CAMK2D: variants seen among roughly 807,000 people sequenced by gnomAD.
The protein encoded by CAMK2D is calcium/calmodulin-dependent protein kinase type II subunit delta.
CAMK2D carries 37 observed loss-of-function variants against 84.0 expected under a neutral mutation model. The ratio of observed to expected loss-of-function variants is 0.44; its 90% confidence interval spans 0.34 to 0.58. The LOEUF (loss-of-function observed/expected upper bound fraction) is 0.58, where lower values mean the gene tolerates loss of function less well. Among genes scored for constraint, CAMK2D ranks in the 20% least tolerant of loss-of-function variants. CAMK2D has a pLI of 0.02. For missense variants in CAMK2D, 448 were observed against 652.5 expected (o/e 0.69, Z 3.41); for synonymous variants, 202 against 212.5 (o/e 0.95, Z 0.43).
At chr4:113,731,516 TA>T (rs1157826993) in intron 2 of CAMK2D, among the ~76,000 whole-genome samples, 29 of 152,152 alleles carry the variant, frequency 1.9e-4, no homozygotes, top group African/African-American at 6.0e-4. Flanking sequence ...CAAGTTTTCC[TA>T]TCATTTTATT....
intron 3 of CAMK2D, among the ~76,000 whole-genome samples, chr4:113,618,589 T>C (rs911159846): frequency 1.3e-5 from 2 of 152,180 alleles, no homozygotes; most frequent in Non-Finnish European, 2.9e-5. Context: ...AGAAATGCAA[T>C]ATAACTGGCT....
At chr4:113,648,958 T>TG (rs2099162182) in intron 3 of CAMK2D, among the ~76,000 whole-genome samples, 1 of 152,228 alleles carries the variant, frequency 6.6e-6, no homozygotes. Context: ...AAATTTCTAA[T>TG]TTCTCCCAAT....
At chr4:113,732,481 T>A (rs1251634279) in intron 2 of CAMK2D, among the ~76,000 whole-genome samples, 1 of 152,214 alleles carries the variant, frequency 6.6e-6, no homozygotes, top group Non-Finnish European at 1.5e-5. Flanking sequence ...GTGGTGTTTC[T>A]AATATTATTG....
chr4:113,562,733 T>C (rs1040279525), intron 4 of CAMK2D, among the ~76,000 whole-genome samples: 4 of 152,246 alleles, frequency 2.6e-5, no homozygotes, highest in African/African-American at 9.6e-5. Context: ...TCAAAAAACA[T>C]TTGTTGCTTT....
chr4:113,558,785 C>A (rs949187626), intron 4 of CAMK2D, among the ~76,000 whole-genome samples: 2 of 148,338 alleles, frequency 1.3e-5, no homozygotes, highest in African/African-American at 5.3e-5. Flanking sequence ...GATGGGAGGA[C>A]TGCTTGAGCC....
chr4:113,593,134 A>T (rs1190304386), intron 4 of CAMK2D, among the ~76,000 whole-genome samples: 1 of 152,194 alleles, frequency 6.6e-6, no homozygotes, highest in Non-Finnish European at 1.5e-5. Flanking sequence ...GATTACAGGT[A>T]TAAGCCACTG....
chr4:113,625,575 C>T (rs2099064251), intron 3 of CAMK2D, among the ~76,000 whole-genome samples: 1 of 152,018 alleles, frequency 6.6e-6, no homozygotes, highest in African/African-American at 2.4e-5. Flanking sequence ...GATCCTATAG[C>T]AAGACTTTAC....
At chr4:113,496,877 G>A (rs1300295486) in intron 16 of CAMK2D, among the ~76,000 whole-genome samples, 1 of 152,112 alleles carries the variant, frequency 6.6e-6, no homozygotes, top group Admixed American at 6.5e-5. Flanking sequence ...CTGCTCAAGA[G>A]GTCAACACTA....
chr4:113,660,982 G>C (rs2099228655), intron 3 of CAMK2D, among the ~76,000 whole-genome samples: 1 of 151,488 alleles, frequency 6.6e-6, no homozygotes, highest in African/African-American at 2.4e-5. Flanking sequence ...ATTTTTAGTA[G>C]AGACGGGGTT....
At chr4:113,654,049 G>A (rs1330795012) in intron 3 of CAMK2D, among the ~76,000 whole-genome samples, 1 of 151,968 alleles carries the variant, frequency 6.6e-6, no homozygotes, top group African/African-American at 2.4e-5. Context: ...TTTACAGGAT[G>A]ACATCATATC....
intron 2 of CAMK2D, among the ~76,000 whole-genome samples, chr4:113,719,893 G>A (rs780698940): frequency 6.6e-6 from 1 of 152,240 alleles, no homozygotes; most frequent in African/African-American, 2.4e-5. Context: ...AGAGACTACA[G>A]AACTGATAAG....
intron 3 of CAMK2D, among the ~76,000 whole-genome samples, chr4:113,660,448 C>A (rs2099224473): frequency 6.6e-6 from 1 of 152,106 alleles, no homozygotes; most frequent in South Asian, 2.1e-4. Flanking sequence ...CCCAGGCTGT[C>A]TGAAGTGCAT....
intron 4 of CAMK2D, among the ~76,000 whole-genome samples, chr4:113,587,387 A>C (rs2098838907): frequency 6.6e-6 from 1 of 152,192 alleles, no homozygotes; most frequent in Non-Finnish European, 1.5e-5. Context: ...GCCTGAGGCA[A>C]ATTTCATTTG....
Position 113,513,464 on chromosome 4 carries a change from C to T in CAMK2D, c.904-94G>A, listed in dbSNP as rs116287839. 1.5e-3 allele frequency: 1,325 copies of T among 860,514 alleles called. 11 individuals are homozygous for T. The African/African-American group carries it at 0.02, about 13-fold the overall frequency. The allele number at this position is 860,514 out of a possible 1,614,324, so 53.3% of individuals were successfully genotyped here. A position where few individuals can be genotyped will look rare whatever the true frequency, so the allele number is the denominator to read the frequency against. On this transcript the variant is annotated intron_variant, in intron 11 of 20. Transcript: ENST00000511664. ...TCTTTGATAACAAATCTTTTCCTGG[C>T]CCTACTTTCAGTTAGGGGATTTTTT...
chr4:113,594,313 C>A (rs1231202722), intron 4 of CAMK2D, among the ~76,000 whole-genome samples: 1 of 152,178 alleles, frequency 6.6e-6, no homozygotes, highest in African/African-American at 2.4e-5. Context: ...AACATGAGAT[C>A]TGGTGGGGAC....
intron 9 of CAMK2D, 63 bp from the exon 10 acceptor site, chr4:113,515,254 G>A (rs574042086): frequency 4.5e-6 from 5 of 1,107,796 alleles, no homozygotes; most frequent in Non-Finnish European, 6.5e-6. Flanking sequence ...ACAGGGAAGA[G>A]TCAACTACAT....
intron 16 of CAMK2D, among the ~76,000 whole-genome samples, chr4:113,489,227 G>A (rs2097795753): frequency 1.3e-5 from 2 of 151,212 alleles, no homozygotes. Flanking sequence ...CCATGCTGGT[G>A]CGCTGCACCC....
chr4:113,457,673 T>G (rs1355526573), intron 18 of CAMK2D, 110 bp from the exon 19 acceptor site: 1 of 766,476 alleles, frequency 1.3e-6, no homozygotes, highest in Non-Finnish European at 2.1e-6. Context: ...ATTCACTCAC[T>G]AATTAATTAG....
chr4:113,626,625 G>T (rs2099069335), intron 3 of CAMK2D, among the ~76,000 whole-genome samples: 1 of 152,158 alleles, frequency 6.6e-6, no homozygotes, highest in Non-Finnish European at 1.5e-5. Flanking sequence ...ACTGGATCAG[G>T]AAGTGTTGGT....
Sources: gnomAD v4.1 joint callset for allele counts (sites outside exome capture counted in the v4.1 genomes callset) on GRCh38, gnomAD v4.1.1 for gene constraint, MANE v1.5 for transcripts, NCBI Gene and HGNC (gene_info 2026-07-23, HGNC 2026-07-21) for gene names.